SLC14A2: variants seen among roughly 807,000 people sequenced by gnomAD.
SLC14A2 encodes solute carrier family 14 member 2, also known as urea transporter 2.
SLC14A2 carries 91 observed loss-of-function variants against 104.6 expected under a neutral mutation model. That is an observed-to-expected ratio of 0.87 (90% CI 0.73 to 1.04). The LOEUF (loss-of-function observed/expected upper bound fraction) is 1.04, where lower values mean the gene tolerates loss of function less well. SLC14A2 is among the 50% of genes least tolerant of loss of function. The pLI is 0.00. For missense variants in SLC14A2, 1,189 were observed against 1,156.0 expected, an observed-to-expected ratio of 1.03 and a Z score of -0.41; for synonymous variants, 476 against 466.4, an observed-to-expected ratio of 1.02 and a Z score of -0.27.
chr18:45,615,146 T>C (rs2045041264), upstream of SLC14A2: 1 of 152,232 alleles, frequency 6.6e-6, no homozygotes, highest in African/African-American at 2.4e-5. Flanking sequence ...TTGCCTTGCC[T>C]CAGATGAAAC....
rs576702496 is a variant in SLC14A2, at chr18:45,365,086, C to T, written c.-124-118147C>T. On this transcript the variant is annotated intron_variant, in intron 1 of 20. Transcript: ENST00000586448. ...TAGGGGAATAGGGGTCTTCTCCCTT[C>T]TTCCCACCTCCATCTCCCCTCACCA... Among the ~76,000 whole-genome samples, 4 of 152,314 alleles carry T rather than the reference C, an allele frequency of 2.6e-5. No homozygotes were observed. In the South Asian group the frequency reaches 8.3e-4, roughly 32 times the overall value.
intron 1 of SLC14A2, among the ~76,000 whole-genome samples, chr18:45,276,807 G>A (rs886855140): frequency 2.6e-5 from 4 of 152,166 alleles, no homozygotes; most frequent in African/African-American, 9.7e-5. Flanking sequence ...CCGGTGCCCA[G>A]GACAAGCTAC....
chr18:45,680,556 G>A (rs1045434512), intron 19 of SLC14A2, among the ~76,000 whole-genome samples: 2 of 152,286 alleles, frequency 1.3e-5, no homozygotes, highest in Admixed American at 6.5e-5. Flanking sequence ...CCTCAGAAGA[G>A]CACATAGGAG....
intron 2 of SLC14A2, among the ~76,000 whole-genome samples, chr18:45,520,617 T>C (rs1232138400): frequency 6.6e-6 from 1 of 152,212 alleles, no homozygotes; most frequent in Non-Finnish European, 1.5e-5. Flanking sequence ...AGTGTTTTTC[T>C]GGGCGTTTCC....
At chr18:45,633,204 C>A (rs556131061) in intron 5 of SLC14A2, among the ~76,000 whole-genome samples, 6 of 152,260 alleles carry the variant, frequency 3.9e-5, no homozygotes, top group African/African-American at 1.2e-4. Flanking sequence ...CCAAGTTGTA[C>A]TTTGTGGTAG....
chr18:45,176,876 TCA>T, the SLC14A2 span, among the ~76,000 whole-genome samples: 2 of 152,180 alleles, frequency 1.3e-5, no homozygotes, highest in Non-Finnish European at 2.9e-5. Context: ...TGCCAAAGAC[TCA>T]CAAATCTCCC....
intron 2 of SLC14A2, among the ~76,000 whole-genome samples, chr18:45,608,020 T>C (rs1431339954): frequency 1.3e-5 from 2 of 152,244 alleles, no homozygotes; most frequent in East Asian, 1.9e-4. Context: ...TACCCTACAG[T>C]GGGAACTGCT....
At chr18:45,552,301 T>A (rs1218053366) in intron 2 of SLC14A2, among the ~76,000 whole-genome samples, 1 of 152,186 alleles carries the variant, frequency 6.6e-6, no homozygotes, top group Admixed American at 6.5e-5. Flanking sequence ...CTCAGTCCTC[T>A]GACTCCCATG....
intron 1 of SLC14A2, among the ~76,000 whole-genome samples, chr18:45,345,001 T>G (rs999369376): frequency 6.6e-6 from 1 of 152,210 alleles, no homozygotes; most frequent in Non-Finnish European, 1.5e-5. Context: ...GTGCTGTCCC[T>G]GTGTCTCTGA....
the SLC14A2 span, among the ~76,000 whole-genome samples, chr18:45,206,238 A>T: frequency 6.6e-6 from 1 of 152,246 alleles, no homozygotes; most frequent in East Asian, 1.9e-4. Flanking sequence ...GTCACTGGAG[A>T]ACATACTTTC....
intron 1 of SLC14A2, among the ~76,000 whole-genome samples, chr18:45,401,223 A>T (rs913253478): frequency 1.3e-5 from 2 of 152,202 alleles, no homozygotes; most frequent in African/African-American, 4.8e-5. Flanking sequence ...TCACCACAGT[A>T]CATCTCTCTT....
At chr18:45,359,155 C>T (rs530256165) in intron 1 of SLC14A2, among the ~76,000 whole-genome samples, 2 of 152,310 alleles carry the variant, frequency 1.3e-5, no homozygotes, top group East Asian at 3.9e-4. Flanking sequence ...ACTCATGGTT[C>T]CATCCGGGAT....
chr18:45,511,787 A>T (rs936854324), intron 2 of SLC14A2, among the ~76,000 whole-genome samples: 3 of 152,210 alleles, frequency 2.0e-5, no homozygotes, highest in African/African-American at 7.2e-5. Flanking sequence ...GCTCCCTGGA[A>T]GGGTCCTTAT....
At chr18:45,348,064 C>T (rs951656491) in intron 1 of SLC14A2, among the ~76,000 whole-genome samples, 27 of 152,172 alleles carry the variant, frequency 1.8e-4, no homozygotes, top group Non-Finnish European at 3.1e-4. Context: ...AGCTCCTTGC[C>T]ATCATGATGG....
intron 1 of SLC14A2, among the ~76,000 whole-genome samples, chr18:45,387,369 C>T (rs2085909477): frequency 6.6e-6 from 1 of 152,082 alleles, no homozygotes; most frequent in Non-Finnish European, 1.5e-5. Flanking sequence ...AAAATGTAAC[C>T]CTCCCACATC....
chr18:45,391,261 T>C lies in SLC14A2; in HGVS notation c.-124-91972T>C, dbSNP rs1598747759. Among the ~76,000 whole-genome samples, 5 of 152,344 alleles carry C rather than the reference T, an allele frequency of 3.3e-5. 1 individual carries two copies. The South Asian group carries it at 8.3e-4, about 25-fold the overall frequency. On this transcript the variant is annotated intron_variant, in intron 1 of 20. Coordinates refer to the SLC14A2 transcript ENST00000586448. The stretch of plus-strand genomic sequence containing the variant: ...CCCTACAAAGTACATGAACTCATCA[T>C]TTTTTATGGCTGCATAGTATTCCAT...
At chr18:45,511,010 A>C (rs1598941701) in intron 2 of SLC14A2, among the ~76,000 whole-genome samples, 1 of 152,202 alleles carries the variant, frequency 6.6e-6, no homozygotes, top group East Asian at 1.9e-4. Context: ...GGCAGAGGCC[A>C]AGAGGTCAGC....
chr18:45,274,568 G>C (rs1328831341), intron 1 of SLC14A2, among the ~76,000 whole-genome samples: 1 of 152,166 alleles, frequency 6.6e-6, no homozygotes, highest in Non-Finnish European at 1.5e-5. Context: ...TTTGTTCTTT[G>C]AGTTACTCAC....
intron 2 of SLC14A2, chr18:45,529,406 T>A (rs1382239022): frequency 1.3e-5 from 2 of 152,160 alleles, no homozygotes. Flanking sequence ...AGACAGAAGT[T>A]GTGGTTCCTA....
Sources: allele counts gnomAD v4.1 joint callset (sites outside exome capture counted in the v4.1 genomes callset), GRCh38; gene constraint gnomAD v4.1.1; transcripts MANE v1.5; gene names NCBI Gene and HGNC (gene_info 2026-07-23, HGNC 2026-07-21).